TBC1D5: variants seen among roughly 807,000 people sequenced by gnomAD.
The protein encoded by TBC1D5 is TBC1 domain family member 5, also known as TBC1 domain family, member 5.
Under a neutral mutation model 100.3 loss-of-function variants are expected in TBC1D5, and 75 were observed. That is an observed-to-expected ratio of 0.75 (90% CI 0.62 to 0.91). The LOEUF (loss-of-function observed/expected upper bound fraction) is 0.91. Ranked by LOEUF, TBC1D5 falls within the 40% of genes least tolerant of loss-of-function variation. The probability of loss-of-function intolerance (pLI) is 0.00; values close to 1 mark genes in which losing one functional copy is unlikely to be tolerated. For missense variants in TBC1D5, 910 were observed against 942.4 expected (o/e 0.97, Z 0.45); for synonymous variants, 323 against 325.6 (o/e 0.99, Z 0.09).
intron 16 of TBC1D5, among the ~76,000 whole-genome samples, chr3:17,251,437 C>CT (rs1491469152): frequency 8.4e-6 from 1 of 119,396 alleles, no homozygotes; most frequent in African/African-American, 3.1e-5. Context: ...CCCCCCCCCC[C>CT]CAGTAGAAGC....
intron 19 of TBC1D5, among the ~76,000 whole-genome samples, chr3:17,183,608 T>C (rs1474195302): frequency 6.6e-6 from 1 of 152,184 alleles, no homozygotes; most frequent in Non-Finnish European, 1.5e-5. Context: ...CTTGAGCCCT[T>C]TCCCTGCAGG....
chr3:17,487,590 T>C (rs1263015047), intron 3 of TBC1D5, among the ~76,000 whole-genome samples: 2 of 152,180 alleles, frequency 1.3e-5, no homozygotes, highest in Admixed American at 1.3e-4. Flanking sequence ...CCAAAAAGGT[T>C]TGAGCTACAT....
rs1247826624 is a variant in TBC1D5 at position 17,383,975 on chromosome 3, T to C, written c.550A>G (p.Lys184Glu). 1.9e-6 allele frequency: 3 copies of C among 1,600,402 alleles called. No individual in the cohort carries two copies. The African/African-American group carries it at 4.0e-5, about 21-fold the overall frequency. The stretch of plus-strand genomic sequence containing the variant: ...CAGAAAAGAACATCTGTAAGAATTT[T>C]TCTCACATTTTCTTGCTGGAAAAAC... The change falls in exon 9 of 22, where the codon AAA becomes GAA. Residue 184 changes from lysine to glutamate, a missense_variant. By Grantham distance (56) the Lys-to-Glu change is moderately conservative. Coordinates refer to ENST00000253692, the Ensembl canonical transcript of TBC1D5.
chr3:17,361,749 G>A (rs1453669360), intron 13 of TBC1D5, among the ~76,000 whole-genome samples: 2 of 151,976 alleles, frequency 1.3e-5, no homozygotes, highest in African/African-American at 4.8e-5. Flanking sequence ...CCAGTGCTTA[G>A]GAAGTAACTT....
At chr3:17,386,691 C>T (rs2093165768) in intron 8 of TBC1D5, among the ~76,000 whole-genome samples, 1 of 152,250 alleles carries the variant, frequency 6.6e-6, no homozygotes, top group Non-Finnish European at 1.5e-5. Context: ...TTTCCTTCTT[C>T]TGTCTATAAA....
At chr3:17,489,361 A>G (rs1268686679) in intron 3 of TBC1D5, among the ~76,000 whole-genome samples, 1 of 152,168 alleles carries the variant, frequency 6.6e-6, no homozygotes, top group Non-Finnish European at 1.5e-5. Context: ...AAAATAAACA[A>G]TGCAATGCAG....
At chr3:17,520,553 G>C (rs1433761809) in intron 2 of TBC1D5, among the ~76,000 whole-genome samples, 1 of 151,916 alleles carries the variant, frequency 6.6e-6, no homozygotes, top group Non-Finnish European at 1.5e-5. Flanking sequence ...TTTTCAGTCA[G>C]TAAAAAATTA....
chr3:17,371,904 G>A (rs532303958), intron 13 of TBC1D5, among the ~76,000 whole-genome samples, 171 bp downstream of exon 13: 4 of 152,202 alleles, frequency 2.6e-5, no homozygotes, highest in African/African-American at 9.6e-5. Context: ...GGGCTTGGTG[G>A]CACGCGTCTG....
At chr3:17,299,056 A>G (rs531412712) in intron 14 of TBC1D5, among the ~76,000 whole-genome samples, 1 of 152,380 alleles carries the variant, frequency 6.6e-6, no homozygotes, top group Admixed American at 6.5e-5. Flanking sequence ...AATACCTAAT[A>G]ATAAAATAGA....
intron 13 of TBC1D5, among the ~76,000 whole-genome samples, chr3:17,370,687 T>C (rs1354428667): frequency 6.6e-6 from 1 of 152,162 alleles, no homozygotes; most frequent in Non-Finnish European, 1.5e-5. Context: ...GAAAAACAGC[T>C]GAGAGTTATT....
chr3:17,364,833 G>A (rs1394916185), intron 13 of TBC1D5, among the ~76,000 whole-genome samples: 9 of 152,060 alleles, frequency 5.9e-5, no homozygotes, highest in Non-Finnish European at 1.3e-4. Context: ...TTTGCACTGA[G>A]CACATAAAAA....
intron 1 of TBC1D5, among the ~76,000 whole-genome samples, chr3:17,700,303 C>T (rs1334823808): frequency 6.6e-6 from 1 of 152,108 alleles, no homozygotes; most frequent in African/African-American, 2.4e-5. Flanking sequence ...TGGATCCCTT[C>T]CTTACACCTT....
intron 3 of TBC1D5, among the ~76,000 whole-genome samples, chr3:17,476,137 G>A (rs2150220003): frequency 6.6e-6 from 1 of 151,378 alleles, no homozygotes; most frequent in South Asian, 2.1e-4. Flanking sequence ...CTTAGACTGT[G>A]GTTTGTATTT....
intron 13 of TBC1D5, among the ~76,000 whole-genome samples, chr3:17,371,568 G>A (rs1450415871): frequency 6.6e-6 from 1 of 152,060 alleles, no homozygotes; most frequent in East Asian, 1.9e-4. Flanking sequence ...AATTTACAGG[G>A]TTGGTATTAC....
At chr3:17,253,614 A>C (rs1236793595) in intron 16 of TBC1D5, among the ~76,000 whole-genome samples, 1 of 152,196 alleles carries the variant, frequency 6.6e-6, no homozygotes. Context: ...TATTACTCCC[A>C]AATTCGCTCA....
At chr3:17,580,769 T>G (rs2096689122) in intron 2 of TBC1D5, among the ~76,000 whole-genome samples, 1 of 152,190 alleles carries the variant, frequency 6.6e-6, no homozygotes, top group African/African-American at 2.4e-5. Flanking sequence ...CCCCTCTTCC[T>G]TCAAACATTT....
chr3:17,393,785 G>A (rs2093425331), intron 8 of TBC1D5, among the ~76,000 whole-genome samples: 1 of 152,008 alleles, frequency 6.6e-6, no homozygotes, highest in Non-Finnish European at 1.5e-5. Context: ...AGAAAACTGA[G>A]CCTGGACCCC....
chr3:17,705,522 C>T (rs2074006945), intron 1 of TBC1D5, among the ~76,000 whole-genome samples: 1 of 149,194 alleles, frequency 6.7e-6, no homozygotes, highest in Non-Finnish European at 1.5e-5. Context: ...GGTCTCCTCA[C>T]TTCTCAGACG....
At chr3:17,561,638 G>A (rs945407371) in intron 2 of TBC1D5, among the ~76,000 whole-genome samples, 1 of 152,168 alleles carries the variant, frequency 6.6e-6, no homozygotes, top group Non-Finnish European at 1.5e-5. Flanking sequence ...AAACACTGGA[G>A]TGGGAGGGTG....
Sources: allele counts gnomAD v4.1 joint callset (sites outside exome capture counted in the v4.1 genomes callset), GRCh38; gene constraint gnomAD v4.1.1; transcripts MANE v1.5; gene names NCBI Gene and HGNC (gene_info 2026-07-23, HGNC 2026-07-21).